CDK14: variants seen among roughly 807,000 people sequenced by gnomAD.
CDK14 encodes the protein cyclin-dependent kinase 14.
CDK14 carries 34 observed loss-of-function variants against 60.7 expected under a neutral mutation model. The ratio of observed to expected loss-of-function variants is 0.56; its 90% CI spans 0.43 to 0.75. The LOEUF (loss-of-function observed/expected upper bound fraction) is 0.75. CDK14 is among the 30% of genes least tolerant of loss of function. CDK14 has a pLI of 0.00. For missense variants in CDK14, 482 were observed against 564.1 expected, an observed-to-expected ratio of 0.85 and a Z score of 1.47; for synonymous variants, 197 against 203.7, an observed-to-expected ratio of 0.97 and a Z score of 0.28.
chr7:90,617,773 T>A (rs145398603), intron 2 of CDK14, among the ~76,000 whole-genome samples: 1 of 152,174 alleles, frequency 6.6e-6, no homozygotes, highest in East Asian at 1.9e-4. Context: ...TTTGGTGAGA[T>A]GTAAACTTGA....
intron 12 of CDK14, among the ~76,000 whole-genome samples, chr7:91,096,745 G>A (rs1217420319): frequency 3.9e-5 from 6 of 152,126 alleles, no homozygotes; most frequent in Admixed American, 2.0e-4. Context: ...GTGCTGTGCA[G>A]TAAAGTAAAA....
At chr7:90,992,134 C>T (rs1795558401) in intron 10 of CDK14, among the ~76,000 whole-genome samples, 1 of 152,138 alleles carries the variant, frequency 6.6e-6, no homozygotes, top group Admixed American at 6.5e-5. Context: ...ATGTTGGTAG[C>T]AAACTCCAGT....
chr7:91,122,299 C>T (rs1174130935), intron 14 of CDK14, among the ~76,000 whole-genome samples: 1 of 152,112 alleles, frequency 6.6e-6, no homozygotes, highest in African/African-American at 2.4e-5. Flanking sequence ...AAAAATGTGT[C>T]GGACTCTCTA....
intron 14 of CDK14, among the ~76,000 whole-genome samples, chr7:91,151,934 C>G (rs1230472244): frequency 6.6e-6 from 1 of 152,176 alleles, no homozygotes; most frequent in African/African-American, 2.4e-5. Context: ...TGAGATGGAA[C>G]AGTCCTTGCA....
intron 7 of CDK14, among the ~76,000 whole-genome samples, chr7:90,907,747 G>T (rs1165741453): frequency 2.6e-5 from 4 of 152,138 alleles, no homozygotes; most frequent in Admixed American, 1.3e-4. Flanking sequence ...TAATTAAAAG[G>T]ATAGGAGGTT....
intron 2 of CDK14, chr7:90,709,692 T>C: frequency 2.0e-6 from 3 of 1,531,554 alleles, no homozygotes; most frequent in Non-Finnish European, 2.7e-6. Context: ...TACTGAATGT[T>C]AGCATGTCCT....
At chr7:90,800,897 T>A (rs1017876079) in intron 5 of CDK14, among the ~76,000 whole-genome samples, 2 of 152,186 alleles carry the variant, frequency 1.3e-5, no homozygotes, top group African/African-American at 4.8e-5. Flanking sequence ...TTTGGTGTTC[T>A]TTGGCTTATC....
chr7:91,172,176 A>G (rs763005580), intron 14 of CDK14, among the ~76,000 whole-genome samples: 1 of 152,168 alleles, frequency 6.6e-6, no homozygotes, highest in African/African-American at 2.4e-5. Flanking sequence ...ATAGAGACAA[A>G]CATGAATGAG....
At chr7:90,679,769 A>C (rs536359587) in intron 2 of CDK14, among the ~76,000 whole-genome samples, 27 of 152,380 alleles carry the variant, frequency 1.8e-4, no homozygotes, top group Admixed American at 1.5e-3. Context: ...GGCATAGTAC[A>C]GCTATGCTGT....
At chr7:90,750,173 CACA>C (rs1803770945) in intron 4 of CDK14, among the ~76,000 whole-genome samples, 1 of 151,062 alleles carries the variant, frequency 6.6e-6, no homozygotes, top group Non-Finnish European at 1.5e-5. Flanking sequence ...CACACACACA[CACA>C]CACACACACA....
chr7:90,752,827 A>C (rs1803901925), intron 4 of CDK14, among the ~76,000 whole-genome samples: 1 of 152,324 alleles, frequency 6.6e-6, no homozygotes, highest in Middle Eastern at 3.4e-3. Context: ...AGCTGATCCC[A>C]TGGAGATAGA....
chr7:91,055,571 TCTA>T (rs1797523261), intron 11 of CDK14, among the ~76,000 whole-genome samples: 1 of 152,226 alleles, frequency 6.6e-6, no homozygotes, highest in African/African-American at 2.4e-5. Context: ...TTTTATTAGT[TCTA>T]CTCGCTGGAA....
chr7:90,851,748 C>T (rs1790651107), intron 5 of CDK14, among the ~76,000 whole-genome samples: 1 of 150,516 alleles, frequency 6.6e-6, no homozygotes, highest in South Asian at 2.1e-4. Flanking sequence ...TGTTTTTCTT[C>T]CCCTTTGTCA....
At chr7:90,974,489 G>C (rs1419444448) in intron 9 of CDK14, among the ~76,000 whole-genome samples, 1 of 152,100 alleles carries the variant, frequency 6.6e-6, no homozygotes, top group African/African-American at 2.4e-5. Flanking sequence ...TTCTGCCGTG[G>C]CTTCAGCCAG....
intron 5 of CDK14, among the ~76,000 whole-genome samples, chr7:90,810,783 T>C (rs1255435129): frequency 6.6e-6 from 1 of 151,800 alleles, no homozygotes; most frequent in African/African-American, 2.4e-5. Flanking sequence ...GGATACAAAA[T>C]CAATGTACAA....
rs568119386 is a variant in CDK14 at position 91,000,694 on chromosome 7, G to C, written c.1041+16453G>C. ...TTAGAAAACAGAAAGACAAAGATGA[G>C]AATTTGTTTTAAGAGGCTCTTTCCC... is the stretch of plus-strand genomic sequence containing the variant. On this transcript the variant is annotated intron_variant, in intron 10 of 14. Transcript: ENST00000380050. Among the ~76,000 whole-genome samples, 5 of 152,328 alleles carry C rather than the reference G, an allele frequency of 3.3e-5. No homozygotes were observed. The South Asian group carries it at 1.0e-3, about 32-fold the overall frequency.
chr7:90,719,285 G>GT (rs2116680433), intron 2 of CDK14, among the ~76,000 whole-genome samples: 1 of 152,190 alleles, frequency 6.6e-6, no homozygotes, highest in East Asian at 1.9e-4. Flanking sequence ...TTCTTTTCCA[G>GT]TGTCTGCCTT....
At chr7:90,928,154 T>C (rs1161879288) in intron 8 of CDK14, among the ~76,000 whole-genome samples, 1 of 152,206 alleles carries the variant, frequency 6.6e-6, no homozygotes, top group Non-Finnish European at 1.5e-5. Context: ...TTGCGATGGG[T>C]TTAAACATCC....
At chr7:91,066,862 T>C (rs1379456102) in intron 11 of CDK14, among the ~76,000 whole-genome samples, 1 of 152,208 alleles carries the variant, frequency 6.6e-6, no homozygotes, top group African/African-American at 2.4e-5. Context: ...TCCTGCTGTG[T>C]TGGGATCATC....
Sources: gnomAD v4.1 joint callset for allele counts (sites outside exome capture counted in the v4.1 genomes callset) on GRCh38, gnomAD v4.1.1 for gene constraint, MANE v1.5 for transcripts, NCBI Gene and HGNC (gene_info 2026-07-23, HGNC 2026-07-21) for gene names.